DNAH14: variants seen among roughly 807,000 people sequenced by gnomAD.
DNAH14 encodes dynein axonemal heavy chain 14.
In DNAH14, 478 loss-of-function variants were observed where a neutral mutation model predicts 520.9. The observed-to-expected ratio is 0.92, with a 90% CI of 0.85 to 0.99. DNAH14 has a LOEUF of 0.99. DNAH14 is among the 50% of genes least tolerant of loss of function. The probability of loss-of-function intolerance (pLI) is 0.00; values close to 1 mark genes in which losing one functional copy is unlikely to be tolerated. For synonymous variants in DNAH14, 1,581 were observed against 1,757.2 expected (o/e 0.90, Z 2.51); for missense variants, 4,831 against 5,234.5 (o/e 0.92, Z 2.38).
At chr1:225,295,543 A>T (rs12144420) in intron 55 of DNAH14, among the ~76,000 whole-genome samples, 3,877 of 152,196 alleles carry the variant, frequency 0.025, 77 homozygotes, top group Non-Finnish European at 0.041. Flanking sequence ...ATGTCCATGA[A>T]TGTTACAGTT....
At chr1:225,201,873 CTTTT>C (rs35342713) in intron 38 of DNAH14, among the ~76,000 whole-genome samples, 3 of 122,538 alleles carry the variant, frequency 2.4e-5, no homozygotes, top group Non-Finnish European at 1.6e-5. Flanking sequence ...TTCTTTCTTC[CTTTT>C]TTTTTTTTTT....
intron 23 of DNAH14, among the ~76,000 whole-genome samples, chr1:225,105,539 C>T (rs2075966473): frequency 6.6e-6 from 1 of 152,204 alleles, no homozygotes; most frequent in Non-Finnish European, 1.5e-5. Flanking sequence ...TTCTAAGTCT[C>T]TAAGGACTTG....
At chr1:225,312,232 AT>A (rs2094381845) in intron 60 of DNAH14, among the ~76,000 whole-genome samples, 1 of 152,054 alleles carries the variant, frequency 6.6e-6, no homozygotes, top group Admixed American at 6.6e-5. Flanking sequence ...TTTGCTCATG[AT>A]TTGGCTCTCT....
At chr1:225,268,294 A>T (rs2093193299) in intron 49 of DNAH14, among the ~76,000 whole-genome samples, 1 of 152,094 alleles carries the variant, frequency 6.6e-6, no homozygotes, top group African/African-American at 2.4e-5. Flanking sequence ...CATGCTAAAC[A>T]CTCTCAATAA....
At chr1:225,217,575 G>C (rs2089542095) in intron 41 of DNAH14, among the ~76,000 whole-genome samples, 1 of 152,170 alleles carries the variant, frequency 6.6e-6, no homozygotes, top group Non-Finnish European at 1.5e-5. Context: ...AGGCCGCTTT[G>C]TTTACCTTTT....
At chr1:225,141,164 C>A in intron 28 of DNAH14, 143 bp downstream of exon 28, 1 of 770,772 alleles carries the variant, frequency 1.3e-6, no homozygotes, top group Non-Finnish European at 2.0e-6. Context: ...CTGTACCAAT[C>A]TGAGTATATT....
chr1:225,049,765 T>TCTAC (rs1488189518), intron 15 of DNAH14, among the ~76,000 whole-genome samples: 8 of 121,558 alleles, frequency 6.6e-5, no homozygotes, highest in Non-Finnish European at 9.3e-5. Flanking sequence ...TATCTGTCTA[T>TCTAC]CTATCTACCT....
Position 224,943,590 on chromosome 1 carries a change from G to A in DNAH14, c.-33-9080G>A, listed in dbSNP as rs537943629. ...TAGTTCTTTTAATTGCGATGTTAGG[G>A]CGTCAATTTTAGATCCTTCCTGCTT... On this transcript the variant is annotated intron_variant, in intron 1 of 85. Coordinates refer to ENST00000682510, the MANE Select transcript of DNAH14 (RefSeq NM_001367479.1). Among the ~76,000 whole-genome samples the A allele has an allele frequency of 2.0e-5, 3 of 152,138 alleles. No individual in the cohort carries two copies. In the South Asian group the frequency reaches 6.2e-4, roughly 32 times the overall value.
chr1:225,220,478 GT>G (rs1251687999), intron 41 of DNAH14, among the ~76,000 whole-genome samples: 1 of 152,100 alleles, frequency 6.6e-6, no homozygotes, highest in East Asian at 1.9e-4. Flanking sequence ...CAAAATCAAC[GT>G]GCAAAAATCA....
In DNAH14 at chr1:225,046,676, T is replaced by C. The variant is rs372575583; in HGVS notation, c.1912+2693T>C. 8.5e-5 allele frequency among the ~76,000 whole-genome samples: 13 copies of C among 152,330 alleles called. No individual in the cohort carries two copies. In the East Asian group the frequency reaches 2.3e-3, roughly 27 times the overall value. On this transcript the variant is annotated intron_variant, in intron 15 of 85. Transcript: ENST00000682510. ...ATGTCTGTAACTTATGTACCAGTAT[T>C]ATACTGTGTTAGTTATTAGGTAGCT...
At position 225,051,529 on chromosome 1, in the gene DNAH14, A is replaced by G. The variant is rs756770543; in HGVS notation, c.2158A>G (p.Thr720Ala). Residue 720 changes from threonine to alanine, a missense_variant, in exon 17 of 86, where the codon ACC becomes GCC. Thr to Ala is a moderately conservative substitution (Grantham distance 58). Transcript: ENST00000682510. ...CAGCCACAAGTTTATAAAGTATTGT[A>G]CCATGACAGAAAAGGCCAAAATCAT... ...AYSHKFIKYC[T>A]MTEKAKIMSM... 1 of 1,551,062 alleles carries G rather than the reference A, an allele frequency of 6.4e-7. No homozygotes were observed. Among genetic ancestry groups the G allele is most frequent in the South Asian group, 1.2e-5 (1 of 83,986 alleles).
intron 34 of DNAH14, among the ~76,000 whole-genome samples, chr1:225,158,967 G>GC (rs1307051099): frequency 2.0e-5 from 3 of 152,094 alleles, no homozygotes; most frequent in Non-Finnish European, 4.4e-5. Flanking sequence ...CCTAGTTCTG[G>GC]CCCTCCTAGA....
At chr1:225,079,669 A>ATTATT in intron 18 of DNAH14, 121 bp downstream of exon 18, 3 of 353,746 alleles carry the variant, frequency 8.5e-6, no homozygotes, top group Non-Finnish European at 1.4e-5. Flanking sequence ...TAATACAAGT[A>ATTATT]TTCTTTTTTT....
chr1:225,310,051 A>T (rs895397904), intron 60 of DNAH14, among the ~76,000 whole-genome samples: 16 of 150,494 alleles, frequency 1.1e-4, no homozygotes, highest in Non-Finnish European at 1.5e-4. Context: ...AAATAAAAAT[A>T]AAAAAAGAAA....
chr1:225,080,797 G>A, intron 19 of DNAH14, 49 bp downstream of exon 19: 2 of 1,464,908 alleles, frequency 1.4e-6, no homozygotes, highest in Non-Finnish European at 1.8e-6. Flanking sequence ...TATACCAAAT[G>A]GCCTTTGGAC....
chr1:225,035,366 C>T (rs1230524403), intron 11 of DNAH14, among the ~76,000 whole-genome samples: 2 of 151,972 alleles, frequency 1.3e-5, no homozygotes, highest in Admixed American at 6.6e-5. Context: ...AAAACCAACC[C>T]TTTGTTTCAC....
At chr1:225,228,862 C>CG (rs2090816483) in intron 41 of DNAH14, among the ~76,000 whole-genome samples, 1 of 151,954 alleles carries the variant, frequency 6.6e-6, no homozygotes, top group African/African-American at 2.4e-5. Flanking sequence ...CTTGGAAGGC[C>CG]GGGGGTTTTG....
At chr1:225,360,596 C>G (rs2095482030) in intron 74 of DNAH14, 85 bp from the exon 75 acceptor site, 2 of 1,230,980 alleles carry the variant, frequency 1.6e-6, no homozygotes, top group Non-Finnish European at 2.3e-6. Context: ...TTTCCCAACA[C>G]TACTCAATAA....
chr1:225,390,088 C>A (rs961408625), intron 83 of DNAH14, among the ~76,000 whole-genome samples: 1 of 152,122 alleles, frequency 6.6e-6, no homozygotes, highest in Non-Finnish European at 1.5e-5. Context: ...ATCCACCCAC[C>A]CCTATCAGAT....
Sources: allele counts gnomAD v4.1 joint callset (sites outside exome capture counted in the v4.1 genomes callset), GRCh38; gene constraint gnomAD v4.1.1; transcripts MANE v1.5; gene names NCBI Gene and HGNC (gene_info 2026-07-23, HGNC 2026-07-21).